The following RANBP2 variants were observed in gnomAD, a reference collection of about 807,000 sequenced individuals.
RANBP2 encodes the protein RAN binding protein 2.
In RANBP2, 57 loss-of-function variants were observed where a neutral mutation model predicts 303.6. The observed-to-expected ratio is 0.19, with a 90% CI of 0.15 to 0.23. The LOEUF is 0.23. Among genes scored for constraint, RANBP2 ranks in the 10% least tolerant of loss-of-function variants. The pLI, the probability that RANBP2 is intolerant of heterozygous loss-of-function variation, is 1.00. For synonymous variants in RANBP2, 1,167 were observed against 1,301.5 expected, an observed-to-expected ratio of 0.90 and a Z score of 2.23; for missense variants, 3,138 against 3,780.8, an observed-to-expected ratio of 0.83 and a Z score of 4.46.
the RANBP2 span, among the ~76,000 whole-genome samples, chr2:109,188,790 A>G: frequency 2.0e-5 from 3 of 152,108 alleles, no homozygotes; most frequent in African/African-American, 7.2e-5. Context: ...TTGGTTATTT[A>G]TTGACATCCA....
chr2:109,093,406 T>TAAAAAAAAAAAAAAAAAAAAAAAAAAAAA, the RANBP2 span, among the ~76,000 whole-genome samples: 1 of 90,722 alleles, frequency 1.1e-5, no homozygotes, highest in Non-Finnish European at 2.2e-5. Context: ...CGGAGATTTG[T>TAAAAAAAAAAAAAAAAAAAAAAAAAAAAA]AAAAAAAAAA....
chr2:109,119,305 T>C, the RANBP2 span, among the ~76,000 whole-genome samples: 3 of 152,238 alleles, frequency 2.0e-5, no homozygotes. Flanking sequence ...CATCATCCTG[T>C]CCGTGAAACA....
the RANBP2 span, among the ~76,000 whole-genome samples, chr2:109,621,265 G>A: frequency 6.6e-6 from 1 of 152,098 alleles, no homozygotes; most frequent in African/African-American, 2.4e-5. Flanking sequence ...CGATTTCCCT[G>A]CCTCAGCCTC....
At chr2:109,649,149 G>T in the RANBP2 span, among the ~76,000 whole-genome samples, 1 of 152,032 alleles carries the variant, frequency 6.6e-6, no homozygotes, top group Non-Finnish European at 1.5e-5. Context: ...TGCAAACTAG[G>T]AAATAAACAC....
Position 108,765,571 on chromosome 2 carries a change from A to G in RANBP2, c.5032A>G (p.Asn1678Asp). 2 of 1,515,922 alleles carry G rather than the reference A, an allele frequency of 1.3e-6. No individual in the cohort carries two copies. The highest frequency in any genetic ancestry group is 1.8e-6 in the Non-Finnish European group (2 of 1,132,254). The allele number at this position is 1,515,922 out of a possible 1,614,324, so 93.9% of individuals were successfully genotyped here. ...GGATTGCAGTGTGTGCTTAGTAAGA[A>G]ATGAAGCCAGTGCTACCAAATGTAT... ...QWDCSVCLVR[N>D]EASATKCIAC... is the part of the protein sequence containing the mutation. Residue 1678 changes from asparagine to aspartate, a missense_variant, in exon 20 of 29, where the codon AAT becomes GAT. By Grantham distance (23) the Asn-to-Asp change is conservative. Transcript: ENST00000283195.
chr2:109,066,567 A>G, the RANBP2 span, among the ~76,000 whole-genome samples: 4 of 152,166 alleles, frequency 2.6e-5, no homozygotes, highest in Non-Finnish European at 4.4e-5. Context: ...TACTGAAAGA[A>G]ACGCAGTTGG....
chr2:108,995,828 C>T, the RANBP2 span, among the ~76,000 whole-genome samples: 1 of 152,146 alleles, frequency 6.6e-6, no homozygotes, highest in Non-Finnish European at 1.5e-5. Context: ...GGGTAGACAT[C>T]AGAGTAGGAC....
the RANBP2 span, among the ~76,000 whole-genome samples, chr2:109,687,370 T>C: frequency 1.1e-3 from 168 of 152,352 alleles, 1 homozygote; most frequent in African/African-American, 3.9e-3. Flanking sequence ...TTTGGCTCCA[T>C]AAGATGTTCA....
At chr2:108,736,778 G>A (rs1695621028) in intron 6 of RANBP2, among the ~76,000 whole-genome samples, 1 of 151,986 alleles carries the variant, frequency 6.6e-6, no homozygotes, top group Admixed American at 6.6e-5. Context: ...AAATTCCATT[G>A]AACAAAAACA....
chr2:109,399,979 T>C, the RANBP2 span, among the ~76,000 whole-genome samples: 1 of 152,190 alleles, frequency 6.6e-6, no homozygotes, highest in African/African-American at 2.4e-5. Context: ...CCACATTCCT[T>C]CCAGAGTCCC....
rs746719662 is a variant in RANBP2 at position 108,781,427 on chromosome 2, G to T, written c.8758G>T (p.Glu2920Ter). Residue 2920 changes from glutamate (E) to a stop codon, truncating the protein, a stop_gained and splice_region_variant, in exon 26 of 29, where the codon GAG (glutamate) becomes TAG (stop). Transcript: ENST00000283195. LOFTEE classifies it high-confidence loss of function. ...IHFEPIVSLP[E>*]VEVKSGEEDE... The stretch of plus-strand genomic sequence containing the variant: ...TTTTGAACCAATAGTGTCACTACCA[G>T]AGGTAAATGTTAAGGAATTAACCTT... 1 of 1,613,994 alleles carries T rather than the reference G, an allele frequency of 6.2e-7. No homozygotes were observed. The highest frequency in any genetic ancestry group is 8.5e-7 in the Non-Finnish European group (1 of 1,179,912).
the RANBP2 span, among the ~76,000 whole-genome samples, chr2:108,945,110 G>A: frequency 1.8e-3 from 271 of 152,254 alleles, 1 homozygote; most frequent in Middle Eastern, 3.4e-3. Flanking sequence ...GTATGTGGGC[G>A]CTGCCTGTCC....
chr2:109,680,141 C>T, the RANBP2 span, among the ~76,000 whole-genome samples: 6 of 148,688 alleles, frequency 4.0e-5, no homozygotes, highest in African/African-American at 1.5e-4. Context: ...GTCAGGAGAT[C>T]GAGACCATCC....
chr2:109,058,408 T>C, the RANBP2 span, among the ~76,000 whole-genome samples: 1 of 152,174 alleles, frequency 6.6e-6, no homozygotes, highest in Non-Finnish European at 1.5e-5. Context: ...CACAGCGCCG[T>C]GAGCTTACCC....
chr2:109,583,209 C>A, the RANBP2 span, among the ~76,000 whole-genome samples: 5 of 152,044 alleles, frequency 3.3e-5, 1 homozygote, highest in Admixed American at 1.3e-4. Context: ...CAAAACAAAC[C>A]ATCATCAGAG....
chr2:109,232,694 A>G, the RANBP2 span, among the ~76,000 whole-genome samples: 1 of 152,160 alleles, frequency 6.6e-6, no homozygotes, highest in East Asian at 1.9e-4. Flanking sequence ...CAAAGCAAAG[A>G]TGAGTGGATA....
the RANBP2 span, among the ~76,000 whole-genome samples, chr2:109,447,995 C>T: frequency 6.6e-6 from 1 of 152,168 alleles, no homozygotes; most frequent in Non-Finnish European, 1.5e-5. Context: ...CTCCTCCAGG[C>T]TGCTGCTGGG....
At chr2:108,980,248 G>A in the RANBP2 span, among the ~76,000 whole-genome samples, 2 of 151,942 alleles carry the variant, frequency 1.3e-5, no homozygotes, top group East Asian at 1.9e-4. Flanking sequence ...CACTGATTCC[G>A]GACAGTTCTG....
At chr2:109,206,490 C>CA in the RANBP2 span, among the ~76,000 whole-genome samples, 25,944 of 40,736 alleles carry the variant, frequency 0.64, 8,741 homozygotes, top group East Asian at 0.85. Flanking sequence ...GACTCCGTCT[C>CA]AAAAAAAAAA....
Sources: gnomAD v4.1 joint callset for allele counts (sites outside exome capture counted in the v4.1 genomes callset) on GRCh38, gnomAD v4.1.1 for gene constraint, MANE v1.5 for transcripts, NCBI Gene and HGNC (gene_info 2026-07-23, HGNC 2026-07-21) for gene names.